Variants in ORC4 observed in about 807,000 individuals in gnomAD.
ORC4 encodes origin recognition complex subunit 4.
In ORC4, 55 loss-of-function variants were observed where a neutral mutation model predicts 63.9. The ratio of observed to expected loss-of-function variants is 0.86; its 90% confidence interval spans 0.69 to 1.08. ORC4 has a LOEUF of 1.08. Ranked by LOEUF, ORC4 falls within the 50% of genes least tolerant of loss-of-function variation. The pLI, the probability that ORC4 is intolerant of heterozygous loss-of-function variation, is 0.00. For missense variants in ORC4, 511 were observed against 504.4 expected (o/e 1.01, Z -0.13); for synonymous variants, 150 against 168.5 (o/e 0.89, Z 0.85).
At chr2:147,941,539 C>T (rs1041546186) in intron 10 of ORC4, among the ~76,000 whole-genome samples, 4 of 151,852 alleles carry the variant, frequency 2.6e-5, no homozygotes, top group Admixed American at 2.0e-4. Context: ...ACTGGAGAGG[C>T]TGAAAATCTG....
upstream of ORC4, chr2:148,021,381 C>T (rs1272880455): frequency 6.3e-6 from 3 of 477,474 alleles, no homozygotes; most frequent in Non-Finnish European, 1.2e-5. Flanking sequence ...TCCCTCCCTC[C>T]ACCCTCCTCC....
At chr2:148,001,143 G>C (rs1181734719) in intron 1 of ORC4, among the ~76,000 whole-genome samples, 1 of 152,078 alleles carries the variant, frequency 6.6e-6, no homozygotes, top group Non-Finnish European at 1.5e-5. Flanking sequence ...TCATTTCGTT[G>C]CACCATGGTA....
In ORC4 at chr2:147,977,490, G is replaced by A. The variant is rs1043408430; in HGVS notation, c.-17-1515C>T. ...CAACAATAATTTCACAGCCACCCACGGACAAAATGGTCTTTGTGTTAGCGT... is the reference window on the plus strand; with the variant it reads ...CAACAATAATTTCACAGCCACCCACAGACAAAATGGTCTTTGTGTTAGCGT... On this transcript the variant is annotated intron_variant, in intron 1 of 13. Transcript: ENST00000392857. 4.6e-5 allele frequency among the ~76,000 whole-genome samples: 7 copies of A among 152,242 alleles called. 1 individual carries two copies. The highest frequency in any genetic ancestry group is 3.9e-4 in the Admixed American group (6 of 15,284).
rs1687674127 is a variant in ORC4 at position 147,930,744 on chromosome 2, A to G, written c.*4766T>C. ...TCCCCATAAAACCCCACCTTGGATA[A>G]GTGATTGTTAAATATTGTACAAATA... On this transcript the variant is annotated 3_prime_UTR_variant, in exon 14 of 14. Coordinates refer to ENST00000392857, the MANE Select transcript of ORC4 (RefSeq NM_181741.4). The G allele has an allele frequency of 6.6e-6, 1 of 152,526 alleles. No homozygotes were observed. The highest frequency in any genetic ancestry group is 1.5e-5 in the Non-Finnish European group (1 of 68,022). 9.4% of individuals were successfully genotyped at this position (152,526 alleles called of 1,614,324 possible). A position where few individuals can be genotyped will look rare whatever the true frequency, so the allele number is the denominator to read the frequency against.
At chr2:147,956,023 C>G (rs1034510052) in intron 6 of ORC4, among the ~76,000 whole-genome samples, 14 of 151,914 alleles carry the variant, frequency 9.2e-5, no homozygotes, top group African/African-American at 3.4e-4. Flanking sequence ...CTTGATGAAA[C>G]TTAGTGTAGT....
At chr2:148,008,993 CAA>C in intron 1 of ORC4, among the ~76,000 whole-genome samples, 1 of 151,820 alleles carries the variant, frequency 6.6e-6, no homozygotes, top group South Asian at 2.1e-4. Context: ...TATATAGAGA[CAA>C]AAAGTCAAAA....
Position 147,930,684 on chromosome 2 carries a change from A to AT in ORC4, c.*4825dup, listed in dbSNP as rs1352529686. 1.3e-5 allele frequency: 2 copies of AT among 152,292 alleles called. No individual in the cohort carries two copies. The highest frequency in any genetic ancestry group is 2.4e-5 in the African/African-American group (1 of 41,366). 9.4% of individuals were successfully genotyped at this position (152,292 alleles called of 1,614,324 possible). The stretch of plus-strand genomic sequence containing the variant: ...GTACTACTGTCAAATCGTACTTGCT[A>AT]TTTTTTCTGCAAGTATTTAACAGAA... On this transcript the variant is annotated 3_prime_UTR_variant, in exon 14 of 14. Transcript: ENST00000392857.
At chr2:147,956,060 T>A (rs1689233085) in intron 6 of ORC4, among the ~76,000 whole-genome samples, 1 of 152,040 alleles carries the variant, frequency 6.6e-6, no homozygotes, top group Non-Finnish European at 1.5e-5. Context: ...TGCTCCAGAT[T>A]GTGGGTAGAA....
At position 147,972,345 on chromosome 2, in the gene ORC4, C is replaced by T. The variant is rs1354983533; in HGVS notation, c.225+394G>A. On this transcript the variant is annotated intron_variant, in intron 4 of 13. Coordinates refer to ENST00000392857, the MANE Select transcript of ORC4 (RefSeq NM_181741.4). The stretch of plus-strand genomic sequence containing the variant: ...CCTATAACAAAGGGAAAAACCCTAC[C>T]GTGCAGTGTTGATGTAAAGAATAAA... 8.5e-5 allele frequency among the ~76,000 whole-genome samples: 13 copies of T among 152,100 alleles called. No homozygotes were observed. In the South Asian group the frequency reaches 2.3e-3, roughly 27 times the overall value.
intron 5 of ORC4, 120 bp from the exon 6 acceptor site, chr2:147,958,503 T>C (rs1689393302): frequency 2.8e-6 from 2 of 713,024 alleles, no homozygotes; most frequent in Non-Finnish European, 4.9e-6. Flanking sequence ...ATCACTTTCT[T>C]CTTAAAACTT....
intron 1 of ORC4, among the ~76,000 whole-genome samples, chr2:147,995,037 C>T (rs999167174): frequency 3.9e-5 from 6 of 152,020 alleles, no homozygotes; most frequent in Non-Finnish European, 7.4e-5. Context: ...CACCACTCAG[C>T]GCTCTGTGGA....
intron 4 of ORC4, among the ~76,000 whole-genome samples, chr2:147,970,239 A>AT (rs1306440754): frequency 3.9e-5 from 6 of 152,222 alleles, no homozygotes; most frequent in Admixed American, 6.5e-5. Flanking sequence ...AAGACTAAAT[A>AT]TAGTTAAGAT....
intron 6 of ORC4, among the ~76,000 whole-genome samples, chr2:147,956,440 T>C (rs1187472086): frequency 2.0e-5 from 3 of 152,086 alleles, no homozygotes; most frequent in South Asian, 2.1e-4. Context: ...TATATGCTTC[T>C]ATAAATACGT....
chr2:147,949,360 T>C (rs1688830326), intron 8 of ORC4, among the ~76,000 whole-genome samples: 4 of 152,218 alleles, frequency 2.6e-5, no homozygotes, highest in Admixed American at 2.6e-4. Context: ...CTATACGTTG[T>C]ATGATTCAAA....
At chr2:147,978,053 T>G (rs1573830564) in intron 1 of ORC4, among the ~76,000 whole-genome samples, 1 of 152,156 alleles carries the variant, frequency 6.6e-6, no homozygotes, top group African/African-American at 2.4e-5. Flanking sequence ...CAGGGACTGA[T>G]GAGGGACCTA....
At chr2:148,004,358 AACTAT>A (rs1205330169) in intron 1 of ORC4, among the ~76,000 whole-genome samples, 1 of 152,230 alleles carries the variant, frequency 6.6e-6, no homozygotes, top group East Asian at 1.9e-4. Context: ...CCTGACTTCA[AACTAT>A]ACTATAAGGC....
intron 1 of ORC4, among the ~76,000 whole-genome samples, chr2:147,989,756 C>G (rs1236295950): frequency 1.3e-5 from 2 of 152,030 alleles, no homozygotes; most frequent in Non-Finnish European, 2.9e-5. Context: ...AAACCATGCA[C>G]CACTTTCCAA....
chr2:147,978,438 G>A (rs2105363308), intron 1 of ORC4, among the ~76,000 whole-genome samples: 1 of 152,322 alleles, frequency 6.6e-6, no homozygotes, highest in East Asian at 1.9e-4. Flanking sequence ...ACCAACAGTG[G>A]CAGGAGCTGA....
chr2:147,963,252 C>T (rs1482438257), intron 4 of ORC4, among the ~76,000 whole-genome samples: 1 of 152,196 alleles, frequency 6.6e-6, no homozygotes, highest in Non-Finnish European at 1.5e-5. Context: ...CAAATCAGCC[C>T]TGAGGGTTGC....
Sources: allele counts gnomAD v4.1 joint callset (sites outside exome capture counted in the v4.1 genomes callset), GRCh38; gene constraint gnomAD v4.1.1; transcripts MANE v1.5; gene names NCBI Gene and HGNC (gene_info 2026-07-23, HGNC 2026-07-21).